The following MYO9B variants were observed in gnomAD, a reference collection of about 807,000 sequenced individuals.
The protein encoded by MYO9B is unconventional myosin-IXb.
MYO9B carries 71 observed loss-of-function variants against 229.5 expected under a neutral mutation model. That is an observed-to-expected ratio of 0.31 (90% CI 0.26 to 0.38). MYO9B has a LOEUF of 0.38. Among genes scored for constraint, MYO9B ranks in the 10% least tolerant of loss-of-function variants. The pLI is 1.00. For missense variants in MYO9B, 2,255 were observed against 2,920.5 expected (o/e 0.77, Z 5.25); for synonymous variants, 1,185 against 1,235.8 (o/e 0.96, Z 0.86).
Position 17,172,188 on chromosome 19 carries a change from C to G in MYO9B, c.1794-148C>G. The G allele has an allele frequency of 1.0e-6, 1 of 994,166 alleles. No homozygotes were observed. Among genetic ancestry groups the G allele is most frequent in the Non-Finnish European group, 1.4e-6 (1 of 690,798 alleles). The allele number at this position is 994,166 out of a possible 1,614,324, so 61.6% of individuals were successfully genotyped here. A position where few individuals can be genotyped will look rare whatever the true frequency, so the allele number is the denominator to read the frequency against. On this transcript the variant is annotated intron_variant, in intron 11 of 39. Transcript: ENST00000682292. This position sits in a 1 kb window ranked among gnomAD's most constrained non-coding sequence, Gnocchi z 8.2. Reference sequence around the variant, plus strand: ...CCTTTCTTCACTCCTTCACCCACCCCTCTGTGCACAGAGCCCTGTGCCACT... The same window carrying G: ...CCTTTCTTCACTCCTTCACCCACCCGTCTGTGCACAGAGCCCTGTGCCACT...
chr19:17,125,033 C>G (rs1279799041), intron 2 of MYO9B, among the ~76,000 whole-genome samples: 2 of 152,076 alleles, frequency 1.3e-5, no homozygotes, highest in African/African-American at 4.8e-5. Context: ...GCTGCGGTGG[C>G]TCACACCTGT....
intron 1 of MYO9B, among the ~76,000 whole-genome samples, chr19:17,086,556 G>A (rs1319693975): frequency 6.6e-6 from 1 of 152,176 alleles, no homozygotes; most frequent in Non-Finnish European, 1.5e-5. Context: ...ACCATTTGCA[G>A]TATCCCCTCG....
Position 17,162,215 on chromosome 19 carries a change from G to C in MYO9B, c.1420-135G>C, listed in dbSNP as rs986891687. 6.2e-5 allele frequency: 41 copies of C among 661,262 alleles called. No homozygotes were observed. In the African/African-American group the frequency reaches 6.7e-4, roughly 11 times the overall value. The allele number at this position is 661,262 out of a possible 1,614,324, so 41.0% of individuals were successfully genotyped here. A position where few individuals can be genotyped will look rare whatever the true frequency, so the allele number is the denominator to read the frequency against. On this transcript the variant is annotated intron_variant, in intron 8 of 39. Transcript: ENST00000682292. ...AGCTACTTGGGAGGCTGAGACAGGA[G>C]AATCTCTTGAACCCAGGAGGTGGAG...
At position 17,124,454 on chromosome 19, in the gene MYO9B, A is replaced by G. The variant is rs564687216; in HGVS notation, c.841-20943A>G. Reference sequence around the variant, plus strand: ...TGGAACTTTTTTTTAAAGTAAACTTATATTGAGCAACTCTTAGATGAAGAG... The same window carrying G: ...TGGAACTTTTTTTTAAAGTAAACTTGTATTGAGCAACTCTTAGATGAAGAG... On this transcript the variant is annotated intron_variant, in intron 2 of 39. Coordinates refer to ENST00000682292, the MANE Select transcript of MYO9B (RefSeq NM_004145.4). 2.0e-5 allele frequency among the ~76,000 whole-genome samples: 3 copies of G among 152,306 alleles called. No homozygotes were observed. In the East Asian group the frequency reaches 5.8e-4, roughly 29 times the overall value.
Position 17,200,716 on chromosome 19 carries a change from C to T in MYO9B, c.4450C>T (p.Arg1484Ter), listed in dbSNP as rs192317622. The T allele has an allele frequency of 6.2e-7, 1 of 1,613,904 alleles. No individual in the cohort carries two copies. The highest frequency in any genetic ancestry group is 1.7e-5 in the Admixed American group (1 of 60,004). ...KEPGGKGKKN[R>*]NVKIGKITVS... is the part of the protein sequence containing the mutation. Reference sequence around the variant, plus strand: ...ACCAGGAGGCAAAGGGAAGAAGAACCGAAATGTCAAGATTGGGAAGATCAC... The same window carrying T: ...ACCAGGAGGCAAAGGGAAGAAGAACTGAAATGTCAAGATTGGGAAGATCAC... Residue 1484 changes from arginine (R) to a stop codon, truncating the protein, a stop_gained, in exon 26 of 40, where the codon CGA becomes TGA. Transcript: ENST00000682292. LOFTEE classifies it high-confidence loss of function.
rs1014907838 is a variant in MYO9B, at chr19:17,210,183, A to G, written c.5749-150A>G. ...CCCATAGCAGAAGAATCAGCCCCAC[A>G]GTGCAGGGGTGTGTTAGTGGGGAAC... On this transcript the variant is annotated intron_variant, in intron 36 of 39. Coordinates refer to ENST00000682292, the MANE Select transcript of MYO9B (RefSeq NM_004145.4). 13 of 680,532 alleles carry G rather than the reference A, an allele frequency of 1.9e-5. No homozygotes were observed. The East Asian group carries it at 2.9e-4, about 15-fold the overall frequency. 42.2% of individuals were successfully genotyped at this position (680,532 alleles called of 1,614,324 possible). A position where few individuals can be genotyped will look rare whatever the true frequency, so the allele number is the denominator to read the frequency against.
chr19:17,164,701 CTAAA>C (rs2072640447), intron 10 of MYO9B, among the ~76,000 whole-genome samples: 2 of 152,082 alleles, frequency 1.3e-5, no homozygotes, highest in Non-Finnish European at 2.9e-5. Context: ...CTTTTTGCAG[CTAAA>C]TAGTCAACCA....
chr19:17,117,661 G>A (rs570950198), intron 2 of MYO9B, among the ~76,000 whole-genome samples: 2 of 152,244 alleles, frequency 1.3e-5, no homozygotes, highest in Admixed American at 6.5e-5. Context: ...TTCTCAGCCC[G>A]ATGCGGTGGC....
At chr19:17,098,391 T>C (rs981248656) in intron 1 of MYO9B, among the ~76,000 whole-genome samples, 4 of 152,136 alleles carry the variant, frequency 2.6e-5, no homozygotes, top group Non-Finnish European at 5.9e-5. Context: ...TCCCCTAATG[T>C]CTTCTCTTGT....
chr19:17,116,799 G>T (rs1012143209), intron 2 of MYO9B, among the ~76,000 whole-genome samples: 2 of 152,110 alleles, frequency 1.3e-5, no homozygotes, highest in African/African-American at 4.8e-5. Context: ...ACAGCTGAGT[G>T]CTGAGGCTGG....
intron 2 of MYO9B, among the ~76,000 whole-genome samples, chr19:17,119,568 T>G (rs1366614590): frequency 2.6e-5 from 4 of 152,170 alleles, no homozygotes; most frequent in East Asian, 1.9e-4. Context: ...GCCCCGTGGT[T>G]CATACCTGTA....
At chr19:17,206,518 T>G in intron 33 of MYO9B, 142 bp downstream of exon 33, 1 of 1,386,756 alleles carries the variant, frequency 7.2e-7, no homozygotes, top group Non-Finnish European at 9.7e-7. Context: ...CCAAACCGGG[T>G]CCCCAGTTTG....
At chr19:17,171,795 A>G (rs2072727630) in intron 11 of MYO9B, among the ~76,000 whole-genome samples, 1 of 152,106 alleles carries the variant, frequency 6.6e-6, no homozygotes, top group Admixed American at 6.6e-5. Flanking sequence ...CTTAAGAAAA[A>G]GAAAAACATT....
rs958103632 is a variant in MYO9B, at chr19:17,165,323, T to C, written c.1671+2201T>C. Among the ~76,000 whole-genome samples the C allele has an allele frequency of 2.6e-5, 4 of 151,316 alleles. No individual in the cohort carries two copies. The Admixed American group carries it at 2.6e-4, about 10-fold the overall frequency. The stretch of plus-strand genomic sequence containing the variant: ...CTGCAATGAGCTACAGTTGTGCCAC[T>C]GTACTCCAGCCTGGGTGACAGACGA... On this transcript the variant is annotated intron_variant, in intron 10 of 39. Transcript: ENST00000682292.
intron 2 of MYO9B, among the ~76,000 whole-genome samples, chr19:17,119,797 A>G (rs1358245323): frequency 2.0e-5 from 3 of 152,150 alleles, no homozygotes; most frequent in East Asian, 1.9e-4. Context: ...GACTACAGGC[A>G]CCACCACCAT....
chr19:17,195,094 C>G lies in MYO9B; in HGVS notation c.3667C>G (p.Gln1223Glu), dbSNP rs2073027146. The change falls in exon 22 of 40, where the codon CAG becomes GAG. Residue 1223 changes from glutamine to glutamate, a missense_variant. Physicochemically the swap from Gln to Glu is conservative, Grantham distance 29. Transcript: ENST00000682292. This position sits in a 1 kb window ranked among gnomAD's most constrained non-coding sequence, Gnocchi z 4.5. ...TSQKQPTEQP[Q>E]AMAVGKVSEE... The stretch of plus-strand genomic sequence containing the variant: ...TCAAAAGCAGCCCACAGAGCAACCC[C>G]AGGCCATGGCAGTTGGCAAGGTCTC... The G allele has an allele frequency of 6.2e-7, 1 of 1,612,776 alleles. No homozygotes were observed. Among genetic ancestry groups the G allele is most frequent in the Admixed American group, 1.7e-5 (1 of 59,982 alleles).
intron 2 of MYO9B, among the ~76,000 whole-genome samples, chr19:17,119,692 C>G (rs1483014032): frequency 6.6e-6 from 1 of 152,142 alleles, no homozygotes; most frequent in African/African-American, 2.4e-5. Context: ...CGTTCTGTCA[C>G]CCAGGCTGGA....
intron 10 of MYO9B, among the ~76,000 whole-genome samples, chr19:17,164,687 G>A (rs527468208): frequency 6.6e-6 from 1 of 152,250 alleles, no homozygotes; most frequent in East Asian, 1.9e-4. Context: ...TGGCCCTGAT[G>A]TGTCTTTTTG....
intron 2 of MYO9B, among the ~76,000 whole-genome samples, chr19:17,138,867 T>C (rs1599361478): frequency 6.6e-6 from 1 of 152,188 alleles, no homozygotes; most frequent in Non-Finnish European, 1.5e-5. Flanking sequence ...TAATAGGCTA[T>C]ACCTATACAA....
Sources: gnomAD v4.1 joint callset for allele counts (sites outside exome capture counted in the v4.1 genomes callset) on GRCh38, gnomAD v4.1.1 for gene constraint, Gnocchi (gnomAD v3.1) non-coding constraint, MANE v1.5 for transcripts, NCBI Gene and HGNC (gene_info 2026-07-23, HGNC 2026-07-21) for gene names.